Variants in KCNH7 observed in about 807,000 individuals in gnomAD.
KCNH7 encodes the protein voltage-gated inwardly rectifying potassium channel KCNH7.
A neutral mutation model predicts 120.8 loss-of-function variants in KCNH7; 49 were observed. The observed-to-expected ratio is 0.41, with a 90% CI of 0.32 to 0.51. The LOEUF is 0.51. Ranked by LOEUF, KCNH7 falls within the 20% of genes least tolerant of loss-of-function variation. KCNH7 has a pLI of 0.38. For missense variants in KCNH7, 1,097 were observed against 1,446.6 expected, an observed-to-expected ratio of 0.76 and a Z score of 3.92; for synonymous variants, 547 against 516.1, an observed-to-expected ratio of 1.06 and a Z score of -0.81.
chr2:162,587,864 C>T (rs1319843061), intron 2 of KCNH7, among the ~76,000 whole-genome samples: 1 of 152,096 alleles, frequency 6.6e-6, no homozygotes, highest in Non-Finnish European at 1.5e-5. Context: ...TGTTTTCTCA[C>T]ACCCTAAGAA....
chr2:162,612,622 A>C (rs6739425), intron 2 of KCNH7, among the ~76,000 whole-genome samples: 6 of 152,072 alleles, frequency 3.9e-5, no homozygotes, highest in African/African-American at 1.2e-4. Context: ...CTAATCATAA[A>C]CTCAAAGTCC....
intron 2 of KCNH7, among the ~76,000 whole-genome samples, chr2:162,827,370 G>A (rs1040845826): frequency 6.6e-6 from 1 of 151,942 alleles, no homozygotes; most frequent in African/African-American, 2.4e-5. Flanking sequence ...AGTAACTGAG[G>A]GGCCCTTAAC....
chr2:162,373,003 A>C (rs775573799), intron 15 of KCNH7, among the ~76,000 whole-genome samples: 2 of 152,138 alleles, frequency 1.3e-5, no homozygotes, highest in Non-Finnish European at 1.5e-5. Context: ...CCTCAGGTCT[A>C]ATCTGGCCAG....
chr2:162,517,666 A>ATT, intron 4 of KCNH7, 64 bp downstream of exon 4: 1 of 1,307,730 alleles, frequency 7.6e-7, no homozygotes, highest in African/African-American at 1.5e-5. Flanking sequence ...ATTTCAAACA[A>ATT]TATGCAAATA....
At chr2:162,804,758 T>C (rs1460738136) in intron 2 of KCNH7, among the ~76,000 whole-genome samples, 3 of 104,766 alleles carry the variant, frequency 2.9e-5, no homozygotes, top group East Asian at 2.8e-4. Flanking sequence ...TTAAAATTCA[T>C]ATGGAACCAA....
rs962797597 is a variant in KCNH7 at position 162,697,822 on chromosome 2, G to A, written c.307+138715C>T. ...TGGACAACTAGCTTCTGTTTACCTCGGTTGCCTCATCTTAATTCCTCCTAT... is the reference window on the plus strand; with the variant it reads ...TGGACAACTAGCTTCTGTTTACCTCAGTTGCCTCATCTTAATTCCTCCTAT... On this transcript the variant is annotated intron_variant, in intron 2 of 15. Coordinates refer to ENST00000332142, the MANE Select transcript of KCNH7 (RefSeq NM_033272.4). Among the ~76,000 whole-genome samples, 13 of 151,870 alleles carry A rather than the reference G, an allele frequency of 8.6e-5. No individual in the cohort carries two copies. In the East Asian group the frequency reaches 1.2e-3, roughly 14 times the overall value.
intron 2 of KCNH7, among the ~76,000 whole-genome samples, chr2:162,776,804 T>C (rs1683257815): frequency 6.6e-6 from 1 of 152,350 alleles, no homozygotes; most frequent in Admixed American, 6.5e-5. Flanking sequence ...GGTATATTTC[T>C]GCTTCTCATT....
At chr2:162,523,593 T>TC (rs935541031) in intron 3 of KCNH7, among the ~76,000 whole-genome samples, 10 of 151,838 alleles carry the variant, frequency 6.6e-5, no homozygotes, top group African/African-American at 2.4e-4. Context: ...GAATTGATTC[T>TC]CATCTATTAC....
At chr2:162,754,179 G>C (rs1214364046) in intron 2 of KCNH7, among the ~76,000 whole-genome samples, 1 of 151,946 alleles carries the variant, frequency 6.6e-6, no homozygotes, top group African/African-American at 2.4e-5. Context: ...TAATAACAAA[G>C]GGTGAATTTG....
intron 13 of KCNH7, among the ~76,000 whole-genome samples, chr2:162,381,282 T>C (rs1686409851): frequency 6.6e-6 from 1 of 152,124 alleles, no homozygotes; most frequent in African/African-American, 2.4e-5. Context: ...TGTAAAGTTA[T>C]GGAATTCTTG....
chr2:162,722,805 CT>C lies in KCNH7; in HGVS notation c.307+113731del, dbSNP rs370399268. ...TTTTCTTCAATCCTTTTCATTCATT[CT>C]TTTTTTCTTTTTTTTTTTTTTTTTT... On this transcript the variant is annotated intron_variant, in intron 2 of 15. Transcript: ENST00000332142. Among the ~76,000 whole-genome samples, 424 of 79,836 alleles carry C rather than the reference CT, an allele frequency of 5.3e-3. 4 individuals carry two copies. The highest frequency in any genetic ancestry group is 0.028 in the African/African-American group (368 of 13,098). 52.4% of individuals were successfully genotyped at this position (79,836 alleles called of 152,430 possible).
At chr2:162,433,852 A>T (rs1414497609) in intron 8 of KCNH7, among the ~76,000 whole-genome samples, 2 of 152,100 alleles carry the variant, frequency 1.3e-5, no homozygotes, top group Non-Finnish European at 2.9e-5. Context: ...CAGAATTATC[A>T]TTCGACCCAA....
chr2:162,492,161 A>T (rs1481957559), intron 6 of KCNH7, among the ~76,000 whole-genome samples: 4 of 152,146 alleles, frequency 2.6e-5, no homozygotes, highest in African/African-American at 9.7e-5. Context: ...ATCCTCTGTA[A>T]AGTTTTGATT....
chr2:162,504,307 A>G (rs939318354), intron 6 of KCNH7, 136 bp downstream of exon 6: 1 of 651,958 alleles, frequency 1.5e-6, no homozygotes, highest in African/African-American at 1.8e-5. Context: ...GTTACCCAAC[A>G]TCTCAAGATA....
chr2:162,508,087 G>A (rs1690943918), intron 5 of KCNH7, among the ~76,000 whole-genome samples: 1 of 151,374 alleles, frequency 6.6e-6, no homozygotes, highest in Admixed American at 6.6e-5. Context: ...TTACAGTTAG[G>A]GAATCATGTT....
intron 2 of KCNH7, among the ~76,000 whole-genome samples, chr2:162,734,548 C>T (rs1037688699): frequency 5.3e-5 from 8 of 151,966 alleles, no homozygotes; most frequent in African/African-American, 1.4e-4. Flanking sequence ...TGTTTTTTTC[C>T]ACCATGATTC....
intron 2 of KCNH7, among the ~76,000 whole-genome samples, chr2:162,779,481 G>C (rs1242195389): frequency 1.3e-5 from 2 of 152,160 alleles, no homozygotes; most frequent in African/African-American, 4.8e-5. Flanking sequence ...TTACAGGCGT[G>C]AGCCACCATG....
chr2:162,608,498 G>T (rs1682856845), intron 2 of KCNH7, among the ~76,000 whole-genome samples: 1 of 152,070 alleles, frequency 6.6e-6, no homozygotes, highest in African/African-American at 2.4e-5. Context: ...GGGCAAGTGG[G>T]GATCACTTTG....
chr2:162,517,402 T>C (rs1477169396), intron 4 of KCNH7, among the ~76,000 whole-genome samples: 1 of 151,818 alleles, frequency 6.6e-6, no homozygotes, highest in Non-Finnish European at 1.5e-5. Flanking sequence ...TGCAGCAAAA[T>C]TAACTATGCT....
Sources: allele counts gnomAD v4.1 joint callset (sites outside exome capture counted in the v4.1 genomes callset), GRCh38; gene constraint gnomAD v4.1.1; transcripts MANE v1.5; gene names NCBI Gene and HGNC (gene_info 2026-07-23, HGNC 2026-07-21).